The following NIPA1 variants were observed in gnomAD, a reference collection of about 807,000 sequenced individuals.
NIPA1 encodes magnesium transporter NIPA1.
In NIPA1, 13 loss-of-function variants were observed where a neutral mutation model predicts 23.9. The observed-to-expected ratio is 0.54, with a 90% CI of 0.35 to 0.87. NIPA1 has a LOEUF of 0.87. Among genes scored for constraint, NIPA1 ranks in the 40% least tolerant of loss-of-function variants. NIPA1 has a pLI of 0.01. For synonymous variants in NIPA1, 234 were observed against 202.9 expected (o/e 1.15, Z -1.30); for missense variants, 362 against 429.7 (o/e 0.84, Z 1.39).
chr15:22,820,985 T>C (rs1447477305), intron 4 of NIPA1, among the ~76,000 whole-genome samples: 2 of 150,936 alleles, frequency 1.3e-5, no homozygotes, highest in Non-Finnish European at 3.0e-5. Context: ...CTTTTCTTTT[T>C]TTTTTTTTTG....
intron 1 of NIPA1, among the ~76,000 whole-genome samples, chr15:22,803,376 C>T (rs1183833029): frequency 1.3e-5 from 2 of 151,582 alleles, no homozygotes; most frequent in Non-Finnish European, 2.9e-5. Flanking sequence ...TATATATATA[C>T]TCACACATAT....
intron 1 of NIPA1, 92 bp from the exon 2 acceptor site, chr15:22,810,657 T>G (rs1197435928): frequency 2.5e-6 from 2 of 787,288 alleles, no homozygotes; most frequent in African/African-American, 3.4e-5. Flanking sequence ...ATTTTAGTTT[T>G]CATGTCAAAA....
Position 22,810,269 on chromosome 15 carries a change from C to T in NIPA1, c.179-480C>T, listed in dbSNP as rs143674786. 3.3e-3 allele frequency among the ~76,000 whole-genome samples: 509 copies of T among 152,074 alleles called. 2 individuals are homozygous for T. Among genetic ancestry groups the T allele is most frequent in the Admixed American group, 0.016 (248 of 15,270 alleles). ...CAGGTGAGTGTAAGGATGTGGTTCC[C>T]GCATGGCTGAAAGAAGAGTCGTATC... On this transcript the variant is annotated intron_variant, in intron 1 of 4. Coordinates refer to ENST00000337435, the MANE Select transcript of NIPA1 (RefSeq NM_144599.5).
intron 1 of NIPA1, among the ~76,000 whole-genome samples, chr15:22,806,505 C>T (rs1274520354): frequency 2.0e-5 from 3 of 152,162 alleles, no homozygotes; most frequent in Non-Finnish European, 4.4e-5. Context: ...GTGAGTGTGG[C>T]AAGACAAACA....
At chr15:22,805,569 C>G (rs1180936840) in intron 1 of NIPA1, among the ~76,000 whole-genome samples, 1 of 152,080 alleles carries the variant, frequency 6.6e-6, no homozygotes, top group African/African-American at 2.4e-5. Flanking sequence ...GCCTGTAATG[C>G]CAGCTACTCA....
intron 1 of NIPA1, among the ~76,000 whole-genome samples, chr15:22,805,708 A>G (rs1895192523): frequency 6.6e-6 from 1 of 152,048 alleles, no homozygotes; most frequent in South Asian, 2.1e-4. Flanking sequence ...AAAAAGAAAA[A>G]TCTGTAAAAA....
intron 1 of NIPA1, among the ~76,000 whole-genome samples, chr15:22,790,679 G>T (rs1177492741): frequency 6.6e-6 from 1 of 152,090 alleles, no homozygotes; most frequent in Non-Finnish European, 1.5e-5. Context: ...CTCCCAAAGT[G>T]CTGGGATTAC....
chr15:22,805,354 GTCAGGAAAGAATATT>G (rs1401980253), intron 1 of NIPA1, among the ~76,000 whole-genome samples: 3 of 152,136 alleles, frequency 2.0e-5, no homozygotes, highest in African/African-American at 7.2e-5. Flanking sequence ...CTGTGCCGGT[GTCAGGAAAGAATATT>G]TATTTATTCT....
intron 3 of NIPA1, chr15:22,819,447 A>C (rs755349251): frequency 3.3e-5 from 5 of 152,164 alleles, no homozygotes; most frequent in African/African-American, 4.8e-5. Context: ...TTGTATACTG[A>C]TAATTACACA....
Position 22,824,420 on chromosome 15 carries a change from C to T in NIPA1, c.*181C>T. On this transcript the variant is annotated 3_prime_UTR_variant, in exon 5 of 5. Coordinates refer to ENST00000337435, the MANE Select transcript of NIPA1 (RefSeq NM_144599.5). The surrounding 1 kb of genome is among the most constrained non-coding windows in gnomAD (Gnocchi z 4.1). ...CCAGAGCAGAGGCCCAGCCAGCCCT[C>T]TGCAGCCCAAACGTCCCCAACGGTT... The T allele has an allele frequency of 9.4e-6, 6 of 639,164 alleles. No individual in the cohort carries two copies. The highest frequency in any genetic ancestry group is 1.4e-5 in the Non-Finnish European group (5 of 357,246). 39.6% of individuals were successfully genotyped at this position (639,164 alleles called of 1,614,324 possible). A position where few individuals can be genotyped will look rare whatever the true frequency, so the allele number is the denominator to read the frequency against.
rs33914827 is a variant in NIPA1 at position 22,802,409 on chromosome 15, A to AAT, written c.179-8340_179-8339insAT. ...TCTGTCTCAAAAAAAAAAAAAAAAA[A>AAT]TTTAAACCACTTTATTGGGGTATGA... On this transcript the variant is annotated intron_variant, in intron 1 of 4. Coordinates refer to ENST00000337435, the MANE Select transcript of NIPA1 (RefSeq NM_144599.5). 3.8e-4 allele frequency among the ~76,000 whole-genome samples: 58 copies of AAT among 151,030 alleles called. 1 individual carries two copies. Among genetic ancestry groups the AAT allele is most frequent in the Non-Finnish European group, 7.4e-4 (50 of 67,738 alleles).
intron 1 of NIPA1, among the ~76,000 whole-genome samples, chr15:22,792,508 G>A (rs959771512): frequency 6.6e-6 from 1 of 151,958 alleles, no homozygotes; most frequent in African/African-American, 2.4e-5. Flanking sequence ...ACAGATGCCC[G>A]CCACCACACC....
chr15:22,786,557 G>T (rs867048272), upstream of NIPA1: 2 of 199,522 alleles, frequency 1.0e-5, no homozygotes, highest in Non-Finnish European at 1.7e-5. Flanking sequence ...TCCCCCACCC[G>T]TCCCCCTCCC....
chr15:22,822,007 G>A (rs541945591), intron 4 of NIPA1, among the ~76,000 whole-genome samples: 4 of 152,250 alleles, frequency 2.6e-5, no homozygotes, highest in Admixed American at 2.6e-4. Context: ...GAAGCTGGCC[G>A]ACCCCACACC....
At chr15:22,810,712 C>T in intron 1 of NIPA1, 37 bp from the exon 2 acceptor site, 1 of 1,381,510 alleles carries the variant, frequency 7.2e-7, no homozygotes, top group Non-Finnish European at 1.0e-6. Flanking sequence ...AGCTGGTAAA[C>T]CCACTTTTCT....
At chr15:22,796,574 G>T (rs368588536) in intron 1 of NIPA1, among the ~76,000 whole-genome samples, 1 of 151,920 alleles carries the variant, frequency 6.6e-6, no homozygotes, top group South Asian at 2.1e-4. Flanking sequence ...AAATTACTAG[G>T]ATTCCAGGCG....
At chr15:22,818,875 G>A (rs544417263) in intron 3 of NIPA1, among the ~76,000 whole-genome samples, 7 of 152,250 alleles carry the variant, frequency 4.6e-5, no homozygotes, top group Middle Eastern at 3.4e-3. Flanking sequence ...ATTTGGCCTC[G>A]TGGCTCATAC....
chr15:22,801,803 C>G (rs1895088660), intron 1 of NIPA1, among the ~76,000 whole-genome samples: 1 of 152,102 alleles, frequency 6.6e-6, no homozygotes, highest in Non-Finnish European at 1.5e-5. Context: ...GCGTGAGCCA[C>G]TGCGCCTGGC....
At position 22,813,614 on chromosome 15, in the gene NIPA1, G is replaced by A; in HGVS notation, c.317+1361G>A. On this transcript the variant is annotated intron_variant, in intron 3 of 4. Transcript: ENST00000337435. ...AAGTTTCTAACTCATGGATACATTG[G>A]TTTTCTGCTGTATTCCAGACAGATG... is the stretch of plus-strand genomic sequence containing the variant. The A allele has an allele frequency of 6.6e-6, 3 of 455,778 alleles. 1 individual carries two copies. The highest frequency in any genetic ancestry group is 4.7e-5 in the South Asian group (3 of 64,510). 28.2% of individuals were successfully genotyped at this position (455,778 alleles called of 1,614,324 possible).
Sources: gnomAD v4.1 joint callset for allele counts (sites outside exome capture counted in the v4.1 genomes callset) on GRCh38, gnomAD v4.1.1 for gene constraint, Gnocchi (gnomAD v3.1) non-coding constraint, MANE v1.5 for transcripts, NCBI Gene and HGNC (gene_info 2026-07-23, HGNC 2026-07-21) for gene names.